CD96: variants seen among roughly 807,000 people sequenced by gnomAD.
The protein encoded by CD96 is T-cell surface protein tactile.
Under a neutral mutation model 71.3 loss-of-function variants are expected in CD96, and 70 were observed. The ratio of observed to expected loss-of-function variants is 0.98; its 90% confidence interval spans 0.81 to 1.20. The LOEUF is 1.20. Ranked by LOEUF, CD96 falls within the 50% of genes most tolerant of loss-of-function variation. The pLI is 0.00. For missense variants in CD96, 742 were observed against 677.5 expected (o/e 1.10, Z -1.06); for synonymous variants, 248 against 233.0 (o/e 1.06, Z -0.59).
chr3:111,619,938 C>T lies in CD96; in HGVS notation c.1181-3816C>T, dbSNP rs139206248. ...CTTGGATATGCACTTTGGCAGGTAA[C>T]GCCCCACCTAGCTCTCACATCCAGT... On this transcript the variant is annotated intron_variant, in intron 8 of 13. Coordinates refer to ENST00000352690, the MANE Select transcript of CD96 (RefSeq NM_005816.5). Among the ~76,000 whole-genome samples the T allele has an allele frequency of 1.4e-3, 220 of 152,338 alleles. 1 individual carries two copies. The highest frequency in any genetic ancestry group is 4.8e-3 in the African/African-American group (200 of 41,594).
intron 5 of CD96, chr3:111,592,902 C>T (rs569944412): frequency 6.6e-6 from 1 of 152,286 alleles, no homozygotes; most frequent in East Asian, 1.9e-4. Flanking sequence ...TCAGATTATA[C>T]TGATGAAACA....
chr3:111,570,181 T>A (rs1935911635), intron 3 of CD96, among the ~76,000 whole-genome samples: 1 of 151,924 alleles, frequency 6.6e-6, no homozygotes, highest in South Asian at 2.1e-4. Context: ...GGGGAGGGGG[T>A]AAGTGGGACC....
chr3:111,602,606 C>G (rs1159627019), intron 7 of CD96, among the ~76,000 whole-genome samples: 1 of 152,194 alleles, frequency 6.6e-6, no homozygotes, highest in Non-Finnish European at 1.5e-5. Context: ...CTCTATAAAG[C>G]AGTGTCATCA....
chr3:111,631,354 A>G (rs1939051672), intron 10 of CD96, among the ~76,000 whole-genome samples: 1 of 152,152 alleles, frequency 6.6e-6, no homozygotes, highest in South Asian at 2.1e-4. Flanking sequence ...CACCAACAAC[A>G]GGCAAGCTGA....
rs576476617 is a variant in CD96 at position 111,614,939 on chromosome 3, A to G, written c.1180+8147A>G. Among the ~76,000 whole-genome samples the G allele has an allele frequency of 7.2e-5, 11 of 152,280 alleles. No individual in the cohort carries two copies. In the South Asian group the frequency reaches 2.3e-3, roughly 32 times the overall value. On this transcript the variant is annotated intron_variant, in intron 8 of 13. Coordinates refer to ENST00000352690, the MANE Select transcript of CD96 (RefSeq NM_005816.5). ...AGGGCCTGATGCACAGGACCCTTCA[A>G]AGGAACTCTTAGCCAGTCTGCTCCC...
chr3:111,566,362 A>G (rs1430327980), intron 2 of CD96, among the ~76,000 whole-genome samples: 1 of 152,084 alleles, frequency 6.6e-6, no homozygotes, highest in Non-Finnish European at 1.5e-5. Flanking sequence ...AAACTGAAAG[A>G]GCATAATGAT....
chr3:111,643,039 T>C (rs1208839522), intron 12 of CD96, among the ~76,000 whole-genome samples: 1 of 141,414 alleles, frequency 7.1e-6, no homozygotes. Flanking sequence ...TACAGACCTA[T>C]ATCCTTGCTG....
At chr3:111,556,060 A>C (rs996874791) in intron 2 of CD96, among the ~76,000 whole-genome samples, 2 of 152,300 alleles carry the variant, frequency 1.3e-5, no homozygotes, top group Non-Finnish European at 2.9e-5. Flanking sequence ...ACATCTAGTA[A>C]ATTTCTTATT....
chr3:111,665,870 G>C (rs1940466921), downstream of CD96: 1 of 152,216 alleles, frequency 6.6e-6, no homozygotes, highest in African/African-American at 2.4e-5. Flanking sequence ...CAGGAGCGGG[G>C]GCAGGAAGAA....
chr3:111,593,539 C>G, intron 5 of CD96: 1 of 1,512,020 alleles, frequency 6.6e-7, no homozygotes, highest in Non-Finnish European at 8.8e-7. Context: ...ATTCTCCAAG[C>G]CCAATTTAAA....
rs1049209193 is a variant in CD96 at position 111,561,462 on chromosome 3, C to T, written c.419-6061C>T. Among the ~76,000 whole-genome samples, 145 of 139,254 alleles carry T rather than the reference C, an allele frequency of 1.0e-3. 5 individuals are homozygous for T. The Middle Eastern group carries it at 0.011, about 10-fold the overall frequency. 91.4% of individuals were successfully genotyped at this position (139,254 alleles called of 152,430 possible). A position where few individuals can be genotyped will look rare whatever the true frequency, so the allele number is the denominator to read the frequency against. On this transcript the variant is annotated intron_variant, in intron 2 of 13. Coordinates refer to ENST00000352690, the MANE Select transcript of CD96 (RefSeq NM_005816.5). ...CTCAGCTGCAGGTCTGTTGGAATACCCTGCCTTGTGAGGTGTCAGTGTGCC... is the reference window on the plus strand; with the variant it reads ...CTCAGCTGCAGGTCTGTTGGAATACTCTGCCTTGTGAGGTGTCAGTGTGCC...
chr3:111,645,768 A>G (rs1354505385), intron 12 of CD96, among the ~76,000 whole-genome samples: 1 of 152,122 alleles, frequency 6.6e-6, no homozygotes, highest in Non-Finnish European at 1.5e-5. Context: ...ATTGGACTAC[A>G]TGGGTCTCCA....
intron 4 of CD96, among the ~76,000 whole-genome samples, chr3:111,582,352 A>T (rs566255538): frequency 6.6e-6 from 1 of 152,326 alleles, no homozygotes; most frequent in East Asian, 1.9e-4. Flanking sequence ...TCTGTTCAAC[A>T]CGATGTACTT....
intron 2 of CD96, among the ~76,000 whole-genome samples, chr3:111,564,877 G>A (rs1368429653): frequency 6.6e-6 from 1 of 152,022 alleles, no homozygotes; most frequent in African/African-American, 2.4e-5. Context: ...TGTACTTTCT[G>A]AGTGTATTTC....
intron 1 of CD96, among the ~76,000 whole-genome samples, chr3:111,544,171 A>C (rs1934260229): frequency 6.6e-6 from 1 of 151,342 alleles, no homozygotes; most frequent in Non-Finnish European, 1.5e-5. Context: ...TTTGAGATGG[A>C]GTCTCACTCT....
At chr3:111,568,606 TCAG>T (rs1342575219) in intron 3 of CD96, among the ~76,000 whole-genome samples, 1 of 152,218 alleles carries the variant, frequency 6.6e-6, no homozygotes, top group Non-Finnish European at 1.5e-5. Context: ...CAAAACTGCA[TCAG>T]TTATCTACTT....
chr3:111,644,402 C>A (rs1350756440), intron 12 of CD96, among the ~76,000 whole-genome samples: 3 of 151,936 alleles, frequency 2.0e-5, no homozygotes, highest in Non-Finnish European at 4.4e-5. Context: ...TGAGCTCAGG[C>A]AAGGATTTCA....
chr3:111,566,555 C>T (rs576440979), intron 2 of CD96, among the ~76,000 whole-genome samples: 2 of 152,042 alleles, frequency 1.3e-5, no homozygotes, highest in African/African-American at 4.8e-5. Flanking sequence ...TGTATGCAAA[C>T]AAGATTTGAA....
intron 7 of CD96, among the ~76,000 whole-genome samples, chr3:111,601,125 T>C (rs1048337294): frequency 2.0e-5 from 3 of 152,234 alleles, no homozygotes; most frequent in African/African-American, 7.2e-5. Flanking sequence ...AGTTGATTCA[T>C]GTTTTCACAA....
Sources: allele counts gnomAD v4.1 joint callset (sites outside exome capture counted in the v4.1 genomes callset), GRCh38; gene constraint gnomAD v4.1.1; transcripts MANE v1.5; gene names NCBI Gene and HGNC (gene_info 2026-07-23, HGNC 2026-07-21).